Variants in SDR9C7 observed in about 807,000 individuals in gnomAD.
SDR9C7 encodes short chain dehydrogenase/reductase family 9C member 7.
A neutral mutation model predicts 23.6 loss-of-function variants in SDR9C7; 11 were observed. The observed-to-expected ratio is 0.47, with a 90% confidence interval of 0.29 to 0.77. SDR9C7 has a LOEUF of 0.77. SDR9C7 is among the 30% of genes least tolerant of loss of function. The probability of loss-of-function intolerance (pLI) is 0.09; values close to 1 mark genes in which losing one functional copy is unlikely to be tolerated. For synonymous variants in SDR9C7, 167 were observed against 157.3 expected (o/e 1.06, Z -0.46); for missense variants, 387 against 407.1 (o/e 0.95, Z 0.42).
rs375947583 is a variant in SDR9C7, at chr12:56,934,151, G to A, written c.111C>T (p.Phe37=). The part of the protein sequence containing the change: ...YVFITGCDSG[F]GNLLAKQLVD... ...CCAGCTGTTTGGCCAGCAGGTTCCC[G>A]AAGCCAGAGTCACAGCCTGTGATGA... The change falls in exon 1 of 4, where the codon TTC becomes TTT. Residue 37 remains phenylalanine (F), a synonymous_variant. Coordinates refer to ENST00000293502, the MANE Select transcript of SDR9C7 (RefSeq NM_148897.3). 4.1e-5 allele frequency: 66 copies of A among 1,614,108 alleles called. No individual in the cohort carries two copies. The highest frequency in any genetic ancestry group is 1.6e-4 in the Middle Eastern group (1 of 6,084).
Position 56,930,156 on chromosome 12 carries a change from C to T in SDR9C7, c.560+70G>A, listed in dbSNP as rs533650899. On this transcript the variant is annotated intron_variant, in intron 2 of 3. Transcript: ENST00000293502. ...TCTGCGGAATTCCCCTGCCCACATG[C>T]TGTCACTCCCAACCCTCTCTAATCT... 4 of 1,551,720 alleles carry T rather than the reference C, an allele frequency of 2.6e-6. No homozygotes were observed. In the South Asian group the frequency reaches 3.5e-5, roughly 14 times the overall value.
chr12:56,925,700 C>T (rs1342304898), intron 3 of SDR9C7, among the ~76,000 whole-genome samples: 1 of 152,234 alleles, frequency 6.6e-6, no homozygotes, highest in African/African-American at 2.4e-5. Flanking sequence ...TAGGAAGCCA[C>T]ACCCTGACCT....
intron 3 of SDR9C7, among the ~76,000 whole-genome samples, chr12:56,927,392 C>T (rs1260685655): frequency 6.6e-6 from 1 of 152,240 alleles, no homozygotes; most frequent in Non-Finnish European, 1.5e-5. Flanking sequence ...CTACTCTTTG[C>T]TAAGAATGAT....
At position 56,923,896 on chromosome 12, in the gene SDR9C7, C is replaced by A. The variant is rs375973190; in HGVS notation, c.879G>T (p.Leu293Phe). Residue 293 changes from leucine to phenylalanine, a missense_variant, in exon 4 of 4, where the codon TTG (leucine) becomes TTT (phenylalanine). Physicochemically the swap from Leu to Phe is conservative, Grantham distance 22. Coordinates refer to ENST00000293502, the MANE Select transcript of SDR9C7 (RefSeq NM_148897.3). ...GGATGAAATCTGTCACAGGGGTGGG[C>A]AACTTAGCCAGAGGGATGTAGAGGA... The part of the protein sequence containing the change: ...AKLLYIPLAK[L>F]PTPVTDFILS... 2.6e-5 allele frequency: 42 copies of A among 1,613,948 alleles called. No individual in the cohort carries two copies. Among genetic ancestry groups the A allele is most frequent in the Non-Finnish European group, 3.4e-5 (40 of 1,179,984 alleles).
intron 1 of SDR9C7, among the ~76,000 whole-genome samples, chr12:56,933,353 CT>C (rs1007957361): frequency 1.3e-5 from 2 of 151,442 alleles, no homozygotes; most frequent in Non-Finnish European, 3.0e-5. Context: ...GAGGCACATC[CT>C]TTTTTTTTCT....
At chr12:56,926,302 T>G (rs1298596386) in intron 3 of SDR9C7, among the ~76,000 whole-genome samples, 11 of 152,304 alleles carry the variant, frequency 7.2e-5, no homozygotes, top group Non-Finnish European at 8.8e-5. Flanking sequence ...ACCAGAACCA[T>G]CAGGACTTAC....
At chr12:56,932,037 A>G (rs1277094420) in intron 1 of SDR9C7, among the ~76,000 whole-genome samples, 3 of 152,204 alleles carry the variant, frequency 2.0e-5, no homozygotes, top group Non-Finnish European at 4.4e-5. Flanking sequence ...TTCTTAGACC[A>G]GGATATTGCC....
intron 1 of SDR9C7, among the ~76,000 whole-genome samples, chr12:56,931,269 C>T (rs184894169): frequency 4.0e-4 from 60 of 150,964 alleles, no homozygotes; most frequent in Middle Eastern, 3.4e-3. Flanking sequence ...TGAAATAAAA[C>T]GATATAAAAT....
At chr12:56,929,067 C>T (rs977793705) in intron 3 of SDR9C7, among the ~76,000 whole-genome samples, 25 of 152,146 alleles carry the variant, frequency 1.6e-4, no homozygotes, top group African/African-American at 5.8e-4. Flanking sequence ...GATTTGAACC[C>T]AGGCAGTCCG....
At chr12:56,924,651 T>C (rs1565612519) in intron 3 of SDR9C7, among the ~76,000 whole-genome samples, 1 of 152,206 alleles carries the variant, frequency 6.6e-6, no homozygotes, top group Non-Finnish European at 1.5e-5. Context: ...TTGGGCATAG[T>C]GGCTCAGGCC....
Position 56,934,338 on chromosome 12 carries a change from A to C in SDR9C7, c.-77T>G. On this transcript the variant is annotated 5_prime_UTR_variant, in exon 1 of 4. Transcript: ENST00000293502. Reference sequence around the variant, plus strand: ...GGAAGAAGCTGGTCCTCTGAGCCCTAGCAGGCAGTCTGCAGGAAACCACCT... The same window carrying C: ...GGAAGAAGCTGGTCCTCTGAGCCCTCGCAGGCAGTCTGCAGGAAACCACCT... 1 of 1,322,068 alleles carries C rather than the reference A, an allele frequency of 7.6e-7. No individual in the cohort carries two copies. Among genetic ancestry groups the C allele is most frequent in the South Asian group, 1.4e-5 (1 of 73,478 alleles). 81.9% of individuals were successfully genotyped at this position (1,322,068 alleles called of 1,614,324 possible).
chr12:56,924,953 G>C (rs1224282741), intron 3 of SDR9C7, among the ~76,000 whole-genome samples: 1 of 151,974 alleles, frequency 6.6e-6, no homozygotes, highest in Non-Finnish European at 1.5e-5. Flanking sequence ...TAACAAAGAT[G>C]ATTAACAGCA....
At chr12:56,933,895 TGCTTC>T in intron 1 of SDR9C7, 61 bp downstream of exon 1, 1 of 1,532,388 alleles carries the variant, frequency 6.5e-7, no homozygotes. Context: ...TACTGTCAGA[TGCTTC>T]GGGAGAGAGG....
rs753769575 is a variant in SDR9C7, at chr12:56,923,505, C to T, written c.*328G>A. ...TGATAACTGAAAGGGGCTCATGATT[C>T]CACAGGAGCTGGTTTTCTTCTCCAT... On this transcript the variant is annotated 3_prime_UTR_variant, in exon 4 of 4. Coordinates refer to ENST00000293502, the MANE Select transcript of SDR9C7 (RefSeq NM_148897.3). 1.4e-5 allele frequency: 3 copies of T among 207,256 alleles called. No individual in the cohort carries two copies. The highest frequency in any genetic ancestry group is 1.1e-4 in the Admixed American group (2 of 18,782). 12.8% of individuals were successfully genotyped at this position (207,256 alleles called of 1,614,324 possible). A position where few individuals can be genotyped will look rare whatever the true frequency, so the allele number is the denominator to read the frequency against.
At chr12:56,933,224 C>T (rs1955778084) in intron 1 of SDR9C7, among the ~76,000 whole-genome samples, 1 of 152,240 alleles carries the variant, frequency 6.6e-6, no homozygotes, top group Non-Finnish European at 1.5e-5. Context: ...AGGAGACAAA[C>T]TGCACCCACT....
chr12:56,926,976 A>G (rs1955738116), intron 3 of SDR9C7, among the ~76,000 whole-genome samples: 1 of 152,218 alleles, frequency 6.6e-6, no homozygotes, highest in African/African-American at 2.4e-5. Flanking sequence ...ATTTGCTTTC[A>G]CATCTTCCCT....
chr12:56,930,147 G>T, intron 2 of SDR9C7, 79 bp downstream of exon 2: 1 of 1,517,754 alleles, frequency 6.6e-7, no homozygotes, highest in Non-Finnish European at 9.0e-7. Flanking sequence ...GAATTCCCCT[G>T]CCCACATGCT....
intron 2 of SDR9C7, among the ~76,000 whole-genome samples, chr12:56,929,818 A>C (rs1955756754): frequency 6.6e-6 from 1 of 152,168 alleles, no homozygotes; most frequent in Admixed American, 6.5e-5. Flanking sequence ...CTTGCCTCCC[A>C]CCAGGTCCCT....
rs751586470 is a variant in SDR9C7, at chr12:56,930,372, G to T, written c.414C>A (p.Ile138=). Residue 138 remains isoleucine (I), a synonymous_variant, in exon 2 of 4, where the codon ATC becomes ATA. Transcript: ENST00000293502. ...TGGGCAGCATGTGAAGGGTCACTTCGATCAGTCCCACCAGGTTCACATTAA... is the reference window on the plus strand; with the variant it reads ...TGGGCAGCATGTGAAGGGTCACTTCTATCAGTCCCACCAGGTTCACATTAA... ...KVINVNLVGL[I]EVTLHMLPMV... 1 of 1,614,066 alleles carries T rather than the reference G, an allele frequency of 6.2e-7. No homozygotes were observed. The highest frequency in any genetic ancestry group is 1.1e-5 in the South Asian group (1 of 91,062).
Sources: gnomAD v4.1 joint callset for allele counts (sites outside exome capture counted in the v4.1 genomes callset) on GRCh38, gnomAD v4.1.1 for gene constraint, MANE v1.5 for transcripts, NCBI Gene and HGNC (gene_info 2026-07-23, HGNC 2026-07-21) for gene names.